The following ATRX variants were observed in gnomAD, a reference collection of about 807,000 sequenced individuals.
ATRX encodes ATRX chromatin remodeler, also known as chromatin remodeler ATRX.
ATRX carries 12 observed loss-of-function variants against 172.6 expected under a neutral mutation model. That is an observed-to-expected ratio of 0.07 (90% confidence interval 0.04 to 0.11). ATRX has a LOEUF of 0.11. ATRX is among the 10% of genes least tolerant of loss of function. The pLI is 1.00. For missense variants in ATRX, 1,368 were observed against 1,767.4 expected, an observed-to-expected ratio of 0.77 and a Z score of 4.05; for synonymous variants, 674 against 594.7, an observed-to-expected ratio of 1.13 and a Z score of -1.94.
At chrX:77,731,322 G>A (rs1330018726) in intron 1 of ATRX, among the ~76,000 whole-genome samples, 1 of 111,571 alleles carries the variant, frequency 9.0e-6, no homozygotes, top group African/African-American at 3.3e-5. Flanking sequence ...AACAAATAAC[G>A]AGATTGACAC....
chrX:77,588,535 C>T (rs782066744), intron 27 of ATRX, among the ~76,000 whole-genome samples: 2 of 111,391 alleles, frequency 1.8e-5, no homozygotes, highest in South Asian at 3.7e-4. Flanking sequence ...GGGAGGCCAA[C>T]GAGGGAGGAC....
At position 77,507,776 on chromosome X, in the gene ATRX, T is replaced by C. The variant is rs1442718642; in HGVS notation, c.*575A>G. The C allele has an allele frequency of 5.7e-6, 1 of 174,699 alleles. No individual in the cohort carries two copies. Among genetic ancestry groups the C allele is most frequent in the Non-Finnish European group, 1.1e-5 (1 of 91,706 alleles). 14.4% of individuals were successfully genotyped at this position (174,699 alleles called of 1,213,427 possible). On this transcript the variant is annotated 3_prime_UTR_variant, in exon 35 of 35. Transcript: ENST00000373344. ...TATTTAAGAATATTGCACACAATTC[T>C]GTGTCAAAGATAACCCTCAGTTTCT...
intron 2 of ATRX, among the ~76,000 whole-genome samples, chrX:77,708,853 T>G (rs1557158834): frequency 8.9e-6 from 1 of 111,836 alleles, no homozygotes. Context: ...CCACTGAATT[T>G]TATACTTTAA....
intron 22 of ATRX, among the ~76,000 whole-genome samples, chrX:77,604,494 A>G (rs2066821707): frequency 8.9e-6 from 1 of 112,151 alleles, no homozygotes; most frequent in Admixed American, 9.5e-5. Context: ...CAAAAAATAA[A>G]TGTTGGCAAA....
intron 9 of ATRX, among the ~76,000 whole-genome samples, chrX:77,680,321 T>C (rs988646433): frequency 8.0e-5 from 9 of 111,998 alleles, no homozygotes; most frequent in East Asian, 2.8e-4. Context: ...GAGCATTCAA[T>C]TGAAACACAC....
At chrX:77,751,604 G>C (rs1557187653) in intron 1 of ATRX, among the ~76,000 whole-genome samples, 1 of 112,076 alleles carries the variant, frequency 8.9e-6, no homozygotes, top group East Asian at 2.8e-4. Flanking sequence ...CCTATGTCCT[G>C]AACGGTATTG....
At chrX:77,765,316 A>G (rs2075869093) in intron 1 of ATRX, among the ~76,000 whole-genome samples, 1 of 112,542 alleles carries the variant, frequency 8.9e-6, no homozygotes. Context: ...CAATAATACA[A>G]GTAATCAAGA....
At chrX:77,651,781 C>CTG (rs1557116989) in intron 15 of ATRX, among the ~76,000 whole-genome samples, 3 of 111,615 alleles carry the variant, frequency 2.7e-5, no homozygotes, top group Non-Finnish European at 5.6e-5. Flanking sequence ...ATCACATGAA[C>CTG]CCAGGAGGCA....
chrX:77,686,609 T>C (rs1557144080), intron 7 of ATRX, among the ~76,000 whole-genome samples: 2 of 110,203 alleles, frequency 1.8e-5, no homozygotes, highest in African/African-American at 6.6e-5. Flanking sequence ...CCAGCTATTC[T>C]AAAGGTTGAG....
chrX:77,506,458 A>C lies in ATRX; in HGVS notation c.*1893T>G, dbSNP rs1308454592. ...TCTATGTCTTTGAGTAAATAATTAG[A>C]CCATGTTGAAAATTCCCAGGTCTAG... is the stretch of plus-strand genomic sequence containing the variant. On this transcript the variant is annotated 3_prime_UTR_variant, in exon 35 of 35. Coordinates refer to ENST00000373344, the MANE Select transcript of ATRX (RefSeq NM_000489.6). The C allele has an allele frequency of 5.8e-6, 1 of 173,459 alleles. No homozygotes were observed. Among genetic ancestry groups the C allele is most frequent in the Admixed American group, 8.0e-5 (1 of 12,570 alleles). The allele number at this position is 173,459 out of a possible 1,213,427, so 14.3% of individuals were successfully genotyped here.
chrX:77,507,275 G>A lies in ATRX; in HGVS notation c.*1076C>T. 1 of 173,111 alleles carries A rather than the reference G, an allele frequency of 5.8e-6. No homozygotes were observed. The highest frequency in any genetic ancestry group is 1.1e-5 in the Non-Finnish European group (1 of 90,157). 14.3% of individuals were successfully genotyped at this position (173,111 alleles called of 1,213,427 possible). A position where few individuals can be genotyped will look rare whatever the true frequency, so the allele number is the denominator to read the frequency against. ...GATGAGAGAAAAGAAGCGCATAGAA[G>A]CCAGTGATTCTTATCTTTCAGAGGA... On this transcript the variant is annotated 3_prime_UTR_variant, in exon 35 of 35. Transcript: ENST00000373344.
chrX:77,711,613 T>C (rs782314507), intron 2 of ATRX, among the ~76,000 whole-genome samples: 1 of 112,376 alleles, frequency 8.9e-6, no homozygotes, highest in South Asian at 3.7e-4. Context: ...GGCAGGCAGA[T>C]AACCTGAAGT....
intron 15 of ATRX, among the ~76,000 whole-genome samples, chrX:77,647,663 C>T (rs2068986850): frequency 1.8e-5 from 2 of 111,464 alleles, no homozygotes; most frequent in African/African-American, 6.5e-5. Context: ...AGATTTTTGC[C>T]TTTCATTTTA....
At chrX:77,633,802 G>T in intron 17 of ATRX, 90 bp from the exon 18 acceptor site, 1 of 999,257 alleles carries the variant, frequency 1.0e-6, no homozygotes, top group Non-Finnish European at 1.4e-6. Context: ...GCTTTGTTTT[G>T]CTTAAACAAT....
intron 22 of ATRX, among the ~76,000 whole-genome samples, chrX:77,614,166 CAA>C (rs782673554): frequency 2.7e-5 from 3 of 111,626 alleles, no homozygotes; most frequent in Non-Finnish European, 5.7e-5. Context: ...AATGTAGAAA[CAA>C]AAAATTTCTG....
At chrX:77,718,210 G>C (rs782450507) in intron 1 of ATRX, among the ~76,000 whole-genome samples, 3 of 109,173 alleles carry the variant, frequency 2.7e-5, no homozygotes, top group Non-Finnish European at 5.7e-5. Flanking sequence ...CTCTCTGAAA[G>C]CCCTAAGCAG....
intron 34 of ATRX, among the ~76,000 whole-genome samples, chrX:77,509,028 T>C (rs1259925164): frequency 1.8e-5 from 2 of 112,164 alleles, no homozygotes; most frequent in African/African-American, 6.5e-5. Context: ...GCACTTGCAG[T>C]AGGAATAATT....
intron 30 of ATRX, among the ~76,000 whole-genome samples, chrX:77,549,710 G>T (rs1557054920): frequency 8.9e-6 from 1 of 112,436 alleles, no homozygotes; most frequent in Non-Finnish European, 1.9e-5. Context: ...ACTTGGTAGA[G>T]ATGATTCAGG....
intron 16 of ATRX, among the ~76,000 whole-genome samples, chrX:77,635,383 A>T (rs1235903567): frequency 4.5e-5 from 5 of 111,822 alleles, no homozygotes; most frequent in African/African-American, 1.6e-4. Context: ...TGAGTCAATC[A>T]GGAAAAAAAA....
Sources: gnomAD v4.1 joint callset for allele counts (sites outside exome capture counted in the v4.1 genomes callset) on GRCh38, gnomAD v4.1.1 for gene constraint, MANE v1.5 for transcripts, NCBI Gene and HGNC (gene_info 2026-07-23, HGNC 2026-07-21) for gene names.